GRID2: variants seen among roughly 807,000 people sequenced by gnomAD.
GRID2 encodes the protein glutamate ionotropic receptor delta type subunit 2.
Under a neutral mutation model 114.8 loss-of-function variants are expected in GRID2, and 33 were observed. The ratio of observed to expected loss-of-function variants is 0.29; its 90% CI spans 0.22 to 0.38. The LOEUF is 0.38. Among genes scored for constraint, GRID2 ranks in the 10% least tolerant of loss-of-function variants. GRID2 has a pLI of 1.00. For synonymous variants in GRID2, 505 were observed against 449.9 expected, an observed-to-expected ratio of 1.12 and a Z score of -1.55; for missense variants, 1,184 against 1,257.7, an observed-to-expected ratio of 0.94 and a Z score of 0.89.
At chr4:93,351,950 C>T (rs1760843997) in intron 8 of GRID2, among the ~76,000 whole-genome samples, 1 of 152,014 alleles carries the variant, frequency 6.6e-6, no homozygotes, top group Admixed American at 6.6e-5. Flanking sequence ...GAGTGTCTCT[C>T]ATATGCCTTA....
intron 1 of GRID2, among the ~76,000 whole-genome samples, chr4:92,575,788 C>T (rs1727860173): frequency 6.6e-6 from 1 of 152,134 alleles, no homozygotes; most frequent in Non-Finnish European, 1.5e-5. Flanking sequence ...CAGTCTGGAC[C>T]AGCTGAGATA....
intron 1 of GRID2, among the ~76,000 whole-genome samples, chr4:92,319,262 T>C (rs567503773): frequency 1.3e-5 from 2 of 152,314 alleles, no homozygotes; most frequent in African/African-American, 4.8e-5. Context: ...TCTACCTAAA[T>C]GATTTCTTGA....
intron 9 of GRID2, among the ~76,000 whole-genome samples, chr4:93,412,234 C>CG (rs1400291396): frequency 1.3e-5 from 2 of 150,570 alleles, no homozygotes; most frequent in African/African-American, 4.9e-5. Flanking sequence ...ACCCATCCCC[C>CG]CCCCCCAAAA....
At chr4:92,765,202 A>G (rs958831600) in intron 2 of GRID2, among the ~76,000 whole-genome samples, 6 of 152,228 alleles carry the variant, frequency 3.9e-5, no homozygotes, top group African/African-American at 1.4e-4. Context: ...TTAGATAAAA[A>G]TGGTATAAAT....
chr4:92,846,799 G>A (rs1026349497), intron 2 of GRID2, among the ~76,000 whole-genome samples: 1 of 152,046 alleles, frequency 6.6e-6, no homozygotes, highest in East Asian at 1.9e-4. Context: ...GAAACAAAGA[G>A]AGCTCATTTT....
chr4:92,922,292 C>T (rs776021912), intron 2 of GRID2, among the ~76,000 whole-genome samples: 1 of 152,170 alleles, frequency 6.6e-6, no homozygotes, highest in Non-Finnish European at 1.5e-5. Flanking sequence ...CCTTGCGCTT[C>T]CCTGGTGAGG....
intron 2 of GRID2, among the ~76,000 whole-genome samples, chr4:92,645,541 G>C (rs556863371): frequency 6.6e-6 from 1 of 151,758 alleles, no homozygotes; most frequent in Admixed American, 6.6e-5. Context: ...TAAATATACA[G>C]TCCCATGAAC....
chr4:92,457,453 TATATG>T (rs1310615058), intron 1 of GRID2, among the ~76,000 whole-genome samples: 8 of 152,088 alleles, frequency 5.3e-5, no homozygotes, highest in African/African-American at 1.9e-4. Flanking sequence ...AATGAATAAA[TATATG>T]AGAAGAAAAA....
intron 9 of GRID2, among the ~76,000 whole-genome samples, chr4:93,409,218 G>A (rs1272966048): frequency 6.6e-6 from 1 of 152,182 alleles, no homozygotes; most frequent in Non-Finnish European, 1.5e-5. Context: ...ATCTACACAT[G>A]CATGTGAAGT....
chr4:93,141,513 C>T (rs1735765278), intron 4 of GRID2, among the ~76,000 whole-genome samples: 1 of 152,040 alleles, frequency 6.6e-6, no homozygotes, highest in African/African-American at 2.4e-5. Flanking sequence ...TGTCTGTATA[C>T]TTAAAATAGA....
intron 2 of GRID2, among the ~76,000 whole-genome samples, chr4:92,592,586 G>T (rs1270118485): frequency 1.3e-5 from 2 of 151,942 alleles, no homozygotes; most frequent in Admixed American, 6.6e-5. Context: ...ATTGAGAGAG[G>T]CAATAAGGTT....
chr4:93,246,079 T>C lies in GRID2; in HGVS notation c.1245+7589T>C, dbSNP rs538285119. ...TTAATGTCCTTTATGGCTCCAAAAT[T>C]CTACAAGTCTGTTAATCAAGGCTTG... On this transcript the variant is annotated intron_variant, in intron 8 of 15. Transcript: ENST00000282020. Among the ~76,000 whole-genome samples, 3 of 152,284 alleles carry C rather than the reference T, an allele frequency of 2.0e-5. No homozygotes were observed. The East Asian group carries it at 5.8e-4, about 29-fold the overall frequency.
chr4:92,678,750 C>T (rs766336309), intron 2 of GRID2, among the ~76,000 whole-genome samples: 78 of 151,554 alleles, frequency 5.1e-4, no homozygotes, highest in Non-Finnish European at 6.8e-4. Context: ...ATTTATGAAA[C>T]GTTTGCTATG....
chr4:93,108,122 C>T (rs1337579969), intron 3 of GRID2, among the ~76,000 whole-genome samples: 2 of 152,084 alleles, frequency 1.3e-5, no homozygotes, highest in Non-Finnish European at 2.9e-5. Flanking sequence ...TGGATAATGT[C>T]TTCTTATACT....
intron 8 of GRID2, among the ~76,000 whole-genome samples, chr4:93,340,639 G>A (rs1251317403): frequency 4.6e-5 from 7 of 152,044 alleles, no homozygotes; most frequent in Admixed American, 4.6e-4. Flanking sequence ...TTAAAGTGAT[G>A]CACTACACAC....
intron 2 of GRID2, among the ~76,000 whole-genome samples, chr4:92,753,901 T>A (rs1027271318): frequency 6.6e-6 from 1 of 152,196 alleles, no homozygotes; most frequent in Non-Finnish European, 1.5e-5. Context: ...GTTTTTCCAT[T>A]GTTAAATAAT....
intron 8 of GRID2, among the ~76,000 whole-genome samples, chr4:93,344,761 A>G (rs992917250): frequency 1.3e-4 from 20 of 151,650 alleles, no homozygotes; most frequent in African/African-American, 4.8e-4. Context: ...TTTAACCAGT[A>G]TCTCCCCATT....
intron 10 of GRID2, among the ~76,000 whole-genome samples, chr4:93,437,153 C>T (rs1208418854): frequency 6.6e-6 from 1 of 152,060 alleles, no homozygotes; most frequent in Admixed American, 6.6e-5. Context: ...TATACTAGCA[C>T]TGATATAGAG....
At chr4:93,147,795 C>T (rs1388706299) in intron 4 of GRID2, among the ~76,000 whole-genome samples, 9 of 152,170 alleles carry the variant, frequency 5.9e-5, no homozygotes, top group African/African-American at 2.2e-4. Flanking sequence ...TTACTATTTA[C>T]ACTCCTTATG....
Sources: gnomAD v4.1 joint callset for allele counts (sites outside exome capture counted in the v4.1 genomes callset) on GRCh38, gnomAD v4.1.1 for gene constraint, MANE v1.5 for transcripts, NCBI Gene and HGNC (gene_info 2026-07-23, HGNC 2026-07-21) for gene names.